The following PRKG1 variants were observed in gnomAD, a reference collection of about 807,000 sequenced individuals.
The protein encoded by PRKG1 is cGMP-dependent protein kinase 1.
In PRKG1, 35 loss-of-function variants were observed where a neutral mutation model predicts 88.1. The ratio of observed to expected loss-of-function variants is 0.40; its 90% CI spans 0.30 to 0.53. PRKG1 has a LOEUF of 0.53. Ranked by LOEUF, PRKG1 falls within the 20% of genes least tolerant of loss-of-function variation. The pLI is 0.59. For missense variants in PRKG1, 540 were observed against 839.8 expected (o/e 0.64, Z 4.41); for synonymous variants, 303 against 292.5 (o/e 1.04, Z -0.37).
intron 9 of PRKG1, among the ~76,000 whole-genome samples, chr10:52,167,199 C>T (rs1260639187): frequency 6.6e-6 from 1 of 151,984 alleles, no homozygotes; most frequent in African/African-American, 2.4e-5. Context: ...AGCTTCCAGT[C>T]ATGGCAGAAG....
At chr10:51,145,436 G>T (rs769740997) in intron 1 of PRKG1, among the ~76,000 whole-genome samples, 1 of 152,118 alleles carries the variant, frequency 6.6e-6, no homozygotes, top group Non-Finnish European at 1.5e-5. Flanking sequence ...AGGCCACATA[G>T]TTCTTAAATT....
chr10:52,115,362 T>C (rs1847662276), intron 7 of PRKG1, among the ~76,000 whole-genome samples: 2 of 152,126 alleles, frequency 1.3e-5, no homozygotes, highest in South Asian at 4.1e-4. Context: ...TTTAGAATTT[T>C]TTCTGTCGCA....
intron 5 of PRKG1, among the ~76,000 whole-genome samples, chr10:51,992,558 C>G (rs1458452691): frequency 6.6e-6 from 1 of 151,992 alleles, no homozygotes; most frequent in Non-Finnish European, 1.5e-5. Context: ...TTTAGATTAC[C>G]CCCAACTTTG....
At chr10:51,012,053 C>G (rs1461802778) in intron 1 of PRKG1, among the ~76,000 whole-genome samples, 1 of 152,208 alleles carries the variant, frequency 6.6e-6, no homozygotes. Flanking sequence ...ACAGGAGAGA[C>G]ACACTCCCAT....
At chr10:51,972,815 G>T (rs542592241) in intron 5 of PRKG1, among the ~76,000 whole-genome samples, 7 of 151,660 alleles carry the variant, frequency 4.6e-5, no homozygotes, top group Admixed American at 3.3e-4. Flanking sequence ...CTTTTTTGTG[G>T]TTTTTACAGT....
chr10:51,245,226 T>A (rs1589275042), intron 2 of PRKG1: 1 of 152,066 alleles, frequency 6.6e-6, no homozygotes, highest in South Asian at 2.1e-4. Context: ...TATGAGAGGC[T>A]TCCTCTGGCC....
intron 7 of PRKG1, among the ~76,000 whole-genome samples, chr10:52,097,160 G>C (rs1443460773): frequency 6.6e-6 from 1 of 152,106 alleles, no homozygotes; most frequent in Non-Finnish European, 1.5e-5. Context: ...ATATGACATA[G>C]ATCCAGGGGT....
rs75359083 is a variant in PRKG1 at position 51,984,010 on chromosome 10, T to G, written c.763-70474T>G. On this transcript the variant is annotated intron_variant, in intron 5 of 17. Coordinates refer to ENST00000373980, the MANE Select transcript of PRKG1 (RefSeq NM_006258.4). ...AAATGCAATTGGCCATATATGTAGTTCTGGAGAAAGATGAGGAACTCACAG... is the reference window on the plus strand; with the variant it reads ...AAATGCAATTGGCCATATATGTAGTGCTGGAGAAAGATGAGGAACTCACAG... 3.8e-3 allele frequency among the ~76,000 whole-genome samples: 579 copies of G among 152,294 alleles called. 2 individuals carry two copies. Among genetic ancestry groups the G allele is most frequent in the African/African-American group, 0.012 (518 of 41,564 alleles).
intron 3 of PRKG1, among the ~76,000 whole-genome samples, chr10:51,718,364 C>T (rs1841934679): frequency 6.6e-6 from 1 of 152,054 alleles, no homozygotes; most frequent in Non-Finnish European, 1.5e-5. Flanking sequence ...AAGACCAGGC[C>T]AGTGTGGCTA....
At chr10:51,613,877 T>C (rs1396059003) in intron 3 of PRKG1, among the ~76,000 whole-genome samples, 1 of 151,912 alleles carries the variant, frequency 6.6e-6, no homozygotes, top group Non-Finnish European at 1.5e-5. Flanking sequence ...TTTTTAAAAT[T>C]TGTTTAGACT....
At chr10:52,001,452 C>T (rs1441712805) in intron 5 of PRKG1, among the ~76,000 whole-genome samples, 1 of 151,732 alleles carries the variant, frequency 6.6e-6, no homozygotes, top group African/African-American at 2.4e-5. Flanking sequence ...TACATCCAAA[C>T]ATCACATTGT....
At chr10:51,247,696 A>G (rs573838962) in intron 2 of PRKG1, among the ~76,000 whole-genome samples, 1 of 151,972 alleles carries the variant, frequency 6.6e-6, no homozygotes, top group Non-Finnish European at 1.5e-5. Context: ...TGATACATCA[A>G]TGAATGAGCA....
At chr10:51,045,087 A>G (rs1338284762) in intron 1 of PRKG1, among the ~76,000 whole-genome samples, 1 of 152,188 alleles carries the variant, frequency 6.6e-6, no homozygotes. Context: ...GTCTCTTAAA[A>G]CACTTTTAAT....
intron 1 of PRKG1, among the ~76,000 whole-genome samples, chr10:51,008,136 GTTC>G (rs1842959232): frequency 6.6e-6 from 1 of 152,198 alleles, no homozygotes; most frequent in Admixed American, 6.5e-5. Context: ...CATATGCCCA[GTTC>G]TTCTCAAACT....
rs1223943130 is a variant in PRKG1 at position 51,312,080 on chromosome 10, C to T, written c.479-155643C>T. The stretch of plus-strand genomic sequence containing the variant: ...AGAGATGGGTTTTCTCCATGTTGGT[C>T]AGGTTGGTCTCGAACTCCTGACCTC... On this transcript the variant is annotated intron_variant, in intron 2 of 17. Transcript: ENST00000373980. Among the ~76,000 whole-genome samples the T allele has an allele frequency of 2.0e-5, 3 of 152,144 alleles. 1 individual carries two copies.
At chr10:51,977,231 T>C (rs971898088) in intron 5 of PRKG1, among the ~76,000 whole-genome samples, 1 of 152,076 alleles carries the variant, frequency 6.6e-6, no homozygotes, top group Non-Finnish European at 1.5e-5. Context: ...TTTGCTTTTC[T>C]GTTTCTGCAT....
chr10:51,535,435 T>A lies in PRKG1; in HGVS notation c.592+67599T>A, dbSNP rs527695827. 5.3e-5 allele frequency among the ~76,000 whole-genome samples: 8 copies of A among 152,310 alleles called. No homozygotes were observed. The South Asian group carries it at 1.0e-3, about 20-fold the overall frequency. On this transcript the variant is annotated intron_variant, in intron 3 of 17. Coordinates refer to ENST00000373980, the MANE Select transcript of PRKG1 (RefSeq NM_006258.4). ...AATCAGAACTTAAGTGAGACTTTTTTAAAAAAGAAGACAGGAAGTAAAGAA... is the reference window on the plus strand; with the variant it reads ...AATCAGAACTTAAGTGAGACTTTTTAAAAAAAGAAGACAGGAAGTAAAGAA...
chr10:51,546,439 G>A (rs569932299), intron 3 of PRKG1, among the ~76,000 whole-genome samples: 2 of 152,076 alleles, frequency 1.3e-5, no homozygotes, highest in South Asian at 2.1e-4. Context: ...CCTCTTGTAC[G>A]TAATACTTTT....
chr10:51,902,141 T>A (rs999553196), intron 4 of PRKG1, among the ~76,000 whole-genome samples: 1 of 151,994 alleles, frequency 6.6e-6, no homozygotes, highest in African/African-American at 2.4e-5. Flanking sequence ...TGAGATGGAG[T>A]TTTGCTCTCG....
Sources: gnomAD v4.1 joint callset for allele counts (sites outside exome capture counted in the v4.1 genomes callset) on GRCh38, gnomAD v4.1.1 for gene constraint, MANE v1.5 for transcripts, NCBI Gene and HGNC (gene_info 2026-07-23, HGNC 2026-07-21) for gene names.